The following ZNF518B variants were observed in gnomAD, a reference collection of about 807,000 sequenced individuals.
The protein encoded by ZNF518B is zinc finger protein 518B.
Under a neutral mutation model 56.3 loss-of-function variants are expected in ZNF518B, and 23 were observed. The ratio of observed to expected loss-of-function variants is 0.41; its 90% CI spans 0.29 to 0.58. The LOEUF (loss-of-function observed/expected upper bound fraction) is 0.58, where lower values mean the gene tolerates loss of function less well. ZNF518B is among the 20% of genes least tolerant of loss of function. The probability of loss-of-function intolerance (pLI) is 0.32; values close to 1 mark genes in which losing one functional copy is unlikely to be tolerated. For missense variants in ZNF518B, 1,460 were observed against 1,272.1 expected, an observed-to-expected ratio of 1.15 and a Z score of -2.25; for synonymous variants, 529 against 465.9, an observed-to-expected ratio of 1.14 and a Z score of -1.74.
chr4:10,451,265 T>C (rs1715300099), intron 2 of ZNF518B: 2 of 152,196 alleles, frequency 1.3e-5, no homozygotes, highest in Non-Finnish European at 2.9e-5. Flanking sequence ...ACTGTGTAAG[T>C]TCCTATTAAA....
chr4:10,446,574 A>C (rs536134068), intron 2 of ZNF518B, 35 bp from the exon 3 acceptor site: 3 of 436,736 alleles, frequency 6.9e-6, no homozygotes, highest in Non-Finnish European at 1.3e-5. Context: ...CATGATTAAT[A>C]TAAGAGTTTG....
chr4:10,457,604 C>T (rs1029769486), upstream of ZNF518B, among the ~76,000 whole-genome samples: 4 of 152,240 alleles, frequency 2.6e-5, no homozygotes, highest in Non-Finnish European at 5.9e-5. Flanking sequence ...ACGTTCGCAC[C>T]GTAGCGAGCG....
At chr4:10,455,626 T>G (rs913791925) in intron 1 of ZNF518B, among the ~76,000 whole-genome samples, 5 of 152,214 alleles carry the variant, frequency 3.3e-5, no homozygotes, top group Admixed American at 1.3e-4. Flanking sequence ...TTTTTTTAAT[T>G]GCCATTTTGC....
intron 2 of ZNF518B, chr4:10,451,200 C>T (rs780408075): frequency 3.3e-5 from 5 of 152,054 alleles, no homozygotes; most frequent in South Asian, 2.1e-4. Context: ...AACAAAGTAT[C>T]GAGTTTGGGA....
At chr4:10,447,569 C>T (rs1221560195) in intron 2 of ZNF518B, among the ~76,000 whole-genome samples, 6 of 151,110 alleles carry the variant, frequency 4.0e-5, no homozygotes, top group African/African-American at 9.7e-5. Flanking sequence ...AAGGAGATCA[C>T]GGATGGCCTG....
intron 2 of ZNF518B, among the ~76,000 whole-genome samples, chr4:10,449,025 TCACA>T (rs947023838): frequency 2.6e-5 from 4 of 152,168 alleles, no homozygotes; most frequent in Non-Finnish European, 5.9e-5. Flanking sequence ...ATCCTCGAAA[TCACA>T]CACTTTATCA....
At position 10,443,488 on chromosome 4, in the gene ZNF518B, G is replaced by T; in HGVS notation, c.2841C>A (p.Asn947Lys). Residue 947 changes from asparagine to lysine, a missense_variant, in exon 3 of 3, where the codon AAC becomes AAA. Asn to Lys is a moderately conservative substitution (Grantham distance 94). Transcript: ENST00000326756. ...PRRNQPVIVL[N>K]HPDVDSPEVT... Reference sequence around the variant, plus strand: ...CTTCTGGCGAGTCCACATCAGGGTGGTTTAACACAATGACTGGCTGGTTCC... The same window carrying T: ...CTTCTGGCGAGTCCACATCAGGGTGTTTTAACACAATGACTGGCTGGTTCC... The T allele has an allele frequency of 6.2e-7, 1 of 1,613,980 alleles. No individual in the cohort carries two copies. The highest frequency in any genetic ancestry group is 8.5e-7 in the Non-Finnish European group (1 of 1,179,880).
Position 10,446,476 on chromosome 4 carries a change from T to G in ZNF518B, c.-148A>C. On this transcript the variant is annotated 5_prime_UTR_variant, in exon 3 of 3. Transcript: ENST00000326756. ...TACTTAATTATCTTTCTTTATATAC[T>G]GCCGCAGTAGGTGCATGATCCCAAA... 1 of 722,388 alleles carries G rather than the reference T, an allele frequency of 1.4e-6. No individual in the cohort carries two copies. Among genetic ancestry groups the G allele is most frequent in the Non-Finnish European group, 2.3e-6 (1 of 437,720 alleles). 44.7% of individuals were successfully genotyped at this position (722,388 alleles called of 1,614,324 possible).
rs924710340 is a variant in ZNF518B at position 10,441,246 on chromosome 4, A to T, written c.*1858T>A. On this transcript the variant is annotated 3_prime_UTR_variant, in exon 3 of 3. Coordinates refer to ENST00000326756, the MANE Select transcript of ZNF518B (RefSeq NM_053042.3). ...CAGAAAATTAGCTACTGCAATTTTCATATGGTAAAAAATATTTTTATGTGT... is the reference window on the plus strand; with the variant it reads ...CAGAAAATTAGCTACTGCAATTTTCTTATGGTAAAAAATATTTTTATGTGT... 2 of 152,610 alleles carry T rather than the reference A, an allele frequency of 1.3e-5. No individual in the cohort carries two copies. The highest frequency in any genetic ancestry group is 4.8e-5 in the African/African-American group (2 of 41,460). The allele number at this position is 152,610 out of a possible 1,614,324, so 9.5% of individuals were successfully genotyped here.
intron 2 of ZNF518B, chr4:10,452,044 TC>T (rs1715337392): frequency 6.6e-6 from 1 of 152,190 alleles, no homozygotes; most frequent in African/African-American, 2.4e-5. Context: ...TGTGACTGCA[TC>T]GTTTTTGGAT....
At chr4:10,449,809 T>C (rs757889515) in intron 2 of ZNF518B, among the ~76,000 whole-genome samples, 10 of 152,232 alleles carry the variant, frequency 6.6e-5, no homozygotes, top group Non-Finnish European at 1.5e-4. Context: ...AACTAAGTCA[T>C]GTGACAAGAT....
upstream of ZNF518B, among the ~76,000 whole-genome samples, chr4:10,459,193 T>C (rs74693778): frequency 1.1e-4 from 16 of 152,288 alleles, no homozygotes; most frequent in East Asian, 1.9e-4. Context: ...CCCTGGCAGA[T>C]AGAAGTGACT....
chr4:10,449,063 A>G (rs952028040), intron 2 of ZNF518B, among the ~76,000 whole-genome samples: 1 of 152,220 alleles, frequency 6.6e-6, no homozygotes, highest in Non-Finnish European at 1.5e-5. Flanking sequence ...ACCATCATCA[A>G]TATAGTCATG....
rs925849303 is a variant in ZNF518B at position 10,440,931 on chromosome 4, C to A, written c.*2173G>T. On this transcript the variant is annotated 3_prime_UTR_variant, in exon 3 of 3. Coordinates refer to ENST00000326756, the MANE Select transcript of ZNF518B (RefSeq NM_053042.3). ...TCTCTATATCTTGGGAGCTATTTTT[C>A]ATGCCACAGGAGTACAATATATAAC... The A allele has an allele frequency of 2.6e-5, 4 of 152,392 alleles. No individual in the cohort carries two copies. The highest frequency in any genetic ancestry group is 9.7e-5 in the African/African-American group (4 of 41,364). The allele number at this position is 152,392 out of a possible 1,614,324, so 9.4% of individuals were successfully genotyped here.
In ZNF518B at chr4:10,445,671, G is replaced by T; in HGVS notation, c.658C>A (p.Arg220=). ...KRVHERAGAK[R]PVKAVAKLEP... is the part of the protein sequence containing the mutation. ...AGCTTGGCAACAGCTTTGACTGGCC[G>T]TTTCGCACCTGCCCTTTCATGTACT... Residue 220 remains arginine (R), a synonymous_variant, in exon 3 of 3, where the codon CGG becomes AGG. Coordinates refer to ENST00000326756, the MANE Select transcript of ZNF518B (RefSeq NM_053042.3). The T allele has an allele frequency of 6.2e-7, 1 of 1,614,092 alleles. No individual in the cohort carries two copies. The highest frequency in any genetic ancestry group is 8.5e-7 in the Non-Finnish European group (1 of 1,180,010).
intron 2 of ZNF518B, among the ~76,000 whole-genome samples, chr4:10,447,934 C>T (rs926186197): frequency 2.0e-5 from 3 of 152,176 alleles, no homozygotes; most frequent in Non-Finnish European, 4.4e-5. Flanking sequence ...CAGGCGTGAG[C>T]CACCGCACCT....
rs1364607113 is a variant in ZNF518B at position 10,441,873 on chromosome 4, G to A, written c.*1231C>T. ...GCAGGGTAAGCATGAATGTGGTTAA[G>A]ACAAATTAGAAACAGCGTTACTATC... On this transcript the variant is annotated 3_prime_UTR_variant, in exon 3 of 3. Coordinates refer to ENST00000326756, the MANE Select transcript of ZNF518B (RefSeq NM_053042.3). 1 of 152,244 alleles carries A rather than the reference G, an allele frequency of 6.6e-6. No homozygotes were observed. Among genetic ancestry groups the A allele is most frequent in the African/African-American group, 2.4e-5 (1 of 41,460 alleles). 9.4% of individuals were successfully genotyped at this position (152,244 alleles called of 1,614,324 possible).
chr4:10,460,428 G>C (rs530008952), upstream of ZNF518B, among the ~76,000 whole-genome samples: 1 of 151,958 alleles, frequency 6.6e-6, no homozygotes, highest in East Asian at 1.9e-4. Flanking sequence ...AGCCCTCAGG[G>C]AACATTCATT....
intron 2 of ZNF518B, chr4:10,453,107 GA>G (rs1291635670): frequency 6.6e-6 from 1 of 152,238 alleles, no homozygotes; most frequent in African/African-American, 2.4e-5. Context: ...ATCTGAGCCT[GA>G]ATGTTCTCAC....
Sources: gnomAD v4.1 joint callset for allele counts (sites outside exome capture counted in the v4.1 genomes callset) on GRCh38, gnomAD v4.1.1 for gene constraint, MANE v1.5 for transcripts, NCBI Gene and HGNC (gene_info 2026-07-23, HGNC 2026-07-21) for gene names.